Variants in ATP7B observed in about 807,000 individuals in gnomAD.
The protein encoded by ATP7B is copper-transporting ATPase 2.
Under a neutral mutation model 118.9 loss-of-function variants are expected in ATP7B, and 113 were observed. The ratio of observed to expected loss-of-function variants is 0.95; its 90% confidence interval spans 0.82 to 1.11. ATP7B has a LOEUF of 1.11. Among genes scored for constraint, ATP7B ranks in the 50% most tolerant of loss-of-function variants. The pLI is 0.00. For synonymous variants in ATP7B, 777 were observed against 727.4 expected (o/e 1.07, Z -1.10); for missense variants, 1,867 against 1,871.4 (o/e 1.00, Z 0.04).
In ATP7B at chr13:51,934,728, C is replaced by G. The variant is rs2138382032; in HGVS notation, c.*28G>C. The G allele has an allele frequency of 1.9e-6, 3 of 1,611,220 alleles. No individual in the cohort carries two copies. The East Asian group carries it at 6.7e-5, about 36-fold the overall frequency. Reference sequence around the variant, plus strand: ...AGCTTGTGGTGAGTGGAGGCAAGTCCCTGCCCCGGCCCGCCTGCCTGAAGT... The same window carrying G: ...AGCTTGTGGTGAGTGGAGGCAAGTCGCTGCCCCGGCCCGCCTGCCTGAAGT... On this transcript the variant is annotated 3_prime_UTR_variant, in exon 21 of 21. Transcript: ENST00000242839.
chr13:51,979,228 T>G (rs1384342217), intron 1 of ATP7B, among the ~76,000 whole-genome samples: 3 of 152,208 alleles, frequency 2.0e-5, no homozygotes, highest in Non-Finnish European at 4.4e-5. Flanking sequence ...ACACGGAGCT[T>G]GAATACAAGG....
chr13:51,944,078 G>A (rs1305579187), intron 14 of ATP7B, 31 bp downstream of exon 14: 2 of 1,613,274 alleles, frequency 1.2e-6, no homozygotes, highest in Admixed American at 1.7e-5. Flanking sequence ...GCATTGGCGG[G>A]GAGGGCAGGG....
chr13:51,961,236 G>A (rs1441253534), intron 6 of ATP7B, among the ~76,000 whole-genome samples: 2 of 151,754 alleles, frequency 1.3e-5, no homozygotes, highest in African/African-American at 2.4e-5. Flanking sequence ...TTCTCAGCCA[G>A]ACTATGGGCC....
intron 1 of ATP7B, among the ~76,000 whole-genome samples, chr13:51,984,507 G>C (rs551397839): frequency 4.6e-5 from 7 of 152,158 alleles, no homozygotes; most frequent in Non-Finnish European, 1.0e-4. Context: ...TATTATCCAG[G>C]AGAACTTCCC....
At chr13:51,972,581 T>C (rs1164885918) in intron 2 of ATP7B, among the ~76,000 whole-genome samples, 1 of 152,148 alleles carries the variant, frequency 6.6e-6, no homozygotes, top group East Asian at 1.9e-4. Flanking sequence ...CTCCTGAATG[T>C]CTTTCAAACC....
intron 12 of ATP7B, among the ~76,000 whole-genome samples, chr13:51,948,110 A>G (rs1198710324): frequency 6.6e-6 from 1 of 152,262 alleles, no homozygotes; most frequent in Admixed American, 6.5e-5. Flanking sequence ...GATGTCAGAA[A>G]GTGTTTAACT....
chr13:51,984,899 AAG>A (rs1198638150), intron 1 of ATP7B, among the ~76,000 whole-genome samples: 2 of 152,224 alleles, frequency 1.3e-5, no homozygotes, highest in Non-Finnish European at 2.9e-5. Context: ...CCTGCCTTAC[AAG>A]AGTTCCTGAA....
At chr13:52,006,352 T>C (rs1049972855) in intron 1 of ATP7B, among the ~76,000 whole-genome samples, 2 of 152,232 alleles carry the variant, frequency 1.3e-5, no homozygotes, top group Non-Finnish European at 2.9e-5. Flanking sequence ...TGTCACTTGC[T>C]TAGTTTATTA....
At chr13:51,937,045 ATC>A (rs2138544026) in intron 19 of ATP7B, among the ~76,000 whole-genome samples, 1 of 152,216 alleles carries the variant, frequency 6.6e-6, no homozygotes, top group Admixed American at 6.5e-5. Context: ...ACAGCCAAGC[ATC>A]TCCACTAGCT....
intron 12 of ATP7B, 33 bp from the exon 13 acceptor site, chr13:51,946,511 G>T (rs1200634500): frequency 6.2e-7 from 1 of 1,611,130 alleles, no homozygotes. Flanking sequence ...GGCAGGTTGA[G>T]AGTTCAATAA....
intron 10 of ATP7B, 52 bp from the exon 11 acceptor site, chr13:51,950,213 A>G: frequency 6.2e-7 from 1 of 1,614,168 alleles, no homozygotes; most frequent in Non-Finnish European, 8.5e-7. Context: ...TCCAGCACTC[A>G]TGTGACCTGA....
At chr13:51,987,504 T>C (rs1952713296) in intron 1 of ATP7B, among the ~76,000 whole-genome samples, 2 of 152,174 alleles carry the variant, frequency 1.3e-5, no homozygotes, top group Admixed American at 6.5e-5. Flanking sequence ...AATTTATAGA[T>C]TCAATGCTAT....
rs368512324 is a variant in ATP7B at position 51,957,500 on chromosome 13, G to A, written c.2447+16C>T. On this transcript the variant is annotated intron_variant, in intron 9 of 20. Transcript: ENST00000242839. ...ATAGATACCAACCACAAAGACATTT[G>A]ATAACCATAACTCACCTGATGATTA... 2.5e-6 allele frequency: 4 copies of A among 1,608,672 alleles called. No homozygotes were observed. Among genetic ancestry groups the A allele is most frequent in the Non-Finnish European group, 3.4e-6 (4 of 1,175,200 alleles).
Position 51,957,508 on chromosome 13 carries a change from T to C in ATP7B, c.2447+8A>G, listed in dbSNP as rs747586752. Reference sequence around the variant, plus strand: ...CAACCACAAAGACATTTGATAACCATAACTCACCTGATGATTAAATTGTCC... The same window carrying C: ...CAACCACAAAGACATTTGATAACCACAACTCACCTGATGATTAAATTGTCC... On this transcript the variant is annotated splice_region_variant and intron_variant, in intron 9 of 20. Coordinates refer to ENST00000242839, the MANE Select transcript of ATP7B (RefSeq NM_000053.4). 18 of 1,611,516 alleles carry C rather than the reference T, an allele frequency of 1.1e-5. No homozygotes were observed. The highest frequency in any genetic ancestry group is 9.3e-5 in the African/African-American group (7 of 74,890).
At chr13:52,002,140 C>A (rs1238338171) in intron 1 of ATP7B, among the ~76,000 whole-genome samples, 1 of 152,146 alleles carries the variant, frequency 6.6e-6, no homozygotes, top group Non-Finnish European at 1.5e-5. Context: ...ATTCCAAGGT[C>A]TAAAACAGTG....
chr13:52,010,653 G>A (rs1953978238), intron 1 of ATP7B, among the ~76,000 whole-genome samples: 1 of 152,184 alleles, frequency 6.6e-6, no homozygotes, highest in African/African-American at 2.4e-5. Flanking sequence ...GAAACCTAAA[G>A]ATTTCTCTGA....
chr13:51,978,327 A>G (rs1309099472), intron 1 of ATP7B, among the ~76,000 whole-genome samples: 4 of 152,270 alleles, frequency 2.6e-5, no homozygotes, highest in Non-Finnish European at 4.4e-5. Context: ...TTCATCAAAA[A>G]AGAAATGCAT....
intron 1 of ATP7B, chr13:51,978,670 T>C (rs988345148): frequency 2.6e-5 from 4 of 152,244 alleles, no homozygotes; most frequent in African/African-American, 9.6e-5. Flanking sequence ...AAATGAATGA[T>C]GTGACTCTGT....
chr13:51,987,179 C>T (rs939064065), intron 1 of ATP7B, among the ~76,000 whole-genome samples: 3 of 152,224 alleles, frequency 2.0e-5, no homozygotes, highest in Non-Finnish European at 4.4e-5. Flanking sequence ...CCCATCATCT[C>T]AGCCCAAAAT....
Sources: allele counts gnomAD v4.1 joint callset (sites outside exome capture counted in the v4.1 genomes callset), GRCh38; gene constraint gnomAD v4.1.1; transcripts MANE v1.5; gene names NCBI Gene and HGNC (gene_info 2026-07-23, HGNC 2026-07-21).